The following PKHD1 variants were observed in gnomAD, a reference collection of about 807,000 sequenced individuals.
PKHD1 encodes the protein fibrocystin.
PKHD1 carries 291 observed loss-of-function variants against 412.0 expected under a neutral mutation model. That is an observed-to-expected ratio of 0.71 (90% confidence interval 0.64 to 0.78). PKHD1 has a LOEUF of 0.78. PKHD1 is among the 30% of genes least tolerant of loss of function. PKHD1 has a pLI of 0.00. For synonymous variants in PKHD1, 1,777 were observed against 1,821.5 expected, an observed-to-expected ratio of 0.98 and a Z score of 0.62; for missense variants, 4,825 against 4,950.7, an observed-to-expected ratio of 0.97 and a Z score of 0.76.
intron 20 of PKHD1, 122 bp downstream of exon 20, chr6:52,053,916 C>T: frequency 2.0e-6 from 2 of 995,536 alleles, no homozygotes; most frequent in Non-Finnish European, 1.6e-6. Context: ...ATTCAAATCC[C>T]CAAATTAGTG....
At chr6:51,719,651 A>C (rs547183003) in intron 60 of PKHD1, among the ~76,000 whole-genome samples, 2 of 152,262 alleles carry the variant, frequency 1.3e-5, no homozygotes, top group South Asian at 4.1e-4. Flanking sequence ...TAAGTTGTAA[A>C]TTATCTTACA....
At chr6:52,083,771 C>A (rs1812372585) in intron 2 of PKHD1, among the ~76,000 whole-genome samples, 1 of 151,980 alleles carries the variant, frequency 6.6e-6, no homozygotes, top group Non-Finnish European at 1.5e-5. Context: ...CTTTTAATGG[C>A]AAAACCGCGA....
chr6:51,661,275 A>C (rs1772824331), intron 60 of PKHD1, among the ~76,000 whole-genome samples: 1 of 152,142 alleles, frequency 6.6e-6, no homozygotes, highest in Non-Finnish European at 1.5e-5. Flanking sequence ...AGATATATAG[A>C]TATAGATACA....
chr6:51,759,019 T>C (rs996505113), intron 55 of PKHD1, among the ~76,000 whole-genome samples: 1 of 152,168 alleles, frequency 6.6e-6, no homozygotes, highest in African/African-American at 2.4e-5. Flanking sequence ...CTGTCTCACC[T>C]GCACCTCCAG....
At chr6:51,809,780 A>G (rs9382034) in intron 52 of PKHD1, among the ~76,000 whole-genome samples, 149,897 of 151,694 alleles carry the variant, frequency 0.99, 74,093 homozygotes, top group East Asian at 1. Flanking sequence ...TTTTCTAATT[A>G]GTGATTGCTA....
At chr6:51,754,443 C>G (rs1786626020) in intron 56 of PKHD1, among the ~76,000 whole-genome samples, 2 of 152,126 alleles carry the variant, frequency 1.3e-5, no homozygotes, top group Non-Finnish European at 2.9e-5. Context: ...ACTGGAAACT[C>G]AGTGCCCATA....
At chr6:51,926,868 A>C (rs931685231) in intron 37 of PKHD1, among the ~76,000 whole-genome samples, 1 of 152,190 alleles carries the variant, frequency 6.6e-6, no homozygotes, top group African/African-American at 2.4e-5. Context: ...TATATTTTAG[A>C]GGACATAGAG....
At chr6:51,725,801 T>G (rs1392606332) in intron 60 of PKHD1, among the ~76,000 whole-genome samples, 1 of 152,232 alleles carries the variant, frequency 6.6e-6, no homozygotes, top group Non-Finnish European at 1.5e-5. Context: ...TCTCTGTCAT[T>G]TTAACCCTTG....
chr6:51,899,473 A>T (rs1780822064), intron 43 of PKHD1, among the ~76,000 whole-genome samples: 1 of 152,082 alleles, frequency 6.6e-6, no homozygotes, highest in Admixed American at 6.6e-5. Flanking sequence ...ACAACCCTTC[A>T]TGCTAAAAAC....
intron 5 of PKHD1, among the ~76,000 whole-genome samples, chr6:52,079,055 A>G (rs781549797): frequency 2.0e-5 from 3 of 152,240 alleles, no homozygotes; most frequent in Non-Finnish European, 2.9e-5. Context: ...ACTGCATTGT[A>G]TGTTTTGAAA....
intron 13 of PKHD1, among the ~76,000 whole-genome samples, chr6:52,063,681 C>T (rs1809037128): frequency 1.3e-5 from 2 of 152,256 alleles, no homozygotes; most frequent in South Asian, 4.2e-4. Context: ...AGCAGCCTTC[C>T]CAGCCTCAGC....
intron 33 of PKHD1, among the ~76,000 whole-genome samples, chr6:52,022,150 C>G (rs960495034): frequency 6.6e-6 from 1 of 152,160 alleles, no homozygotes; most frequent in Non-Finnish European, 1.5e-5. Flanking sequence ...AGCTTTGCAA[C>G]TTACTCTCTC....
intron 11 of PKHD1, among the ~76,000 whole-genome samples, chr6:52,068,763 A>AT (rs1379269660): frequency 6.6e-6 from 1 of 152,232 alleles, no homozygotes; most frequent in African/African-American, 2.4e-5. Context: ...AGAAAGGAAA[A>AT]ATCAGGGTCA....
At chr6:51,813,050 GCATT>G (rs1764933990) in intron 52 of PKHD1, among the ~76,000 whole-genome samples, 1 of 152,072 alleles carries the variant, frequency 6.6e-6, no homozygotes, top group African/African-American at 2.4e-5. Flanking sequence ...TACCTGACAT[GCATT>G]CATTGATGTC....
intron 43 of PKHD1, among the ~76,000 whole-genome samples, chr6:51,888,912 G>A (rs1241001879): frequency 1.3e-5 from 2 of 151,090 alleles, no homozygotes; most frequent in Non-Finnish European, 2.9e-5. Context: ...CTATTAGTGG[G>A]AGGAACAAAG....
At chr6:51,645,667 A>T (rs1201537629) in intron 63 of PKHD1, among the ~76,000 whole-genome samples, 1 of 152,234 alleles carries the variant, frequency 6.6e-6, no homozygotes, top group Non-Finnish European at 1.5e-5. Flanking sequence ...GTGCTGGATT[A>T]CAGGCACGAA....
chr6:51,759,984 A>C (rs1787714297), intron 55 of PKHD1, among the ~76,000 whole-genome samples: 1 of 152,116 alleles, frequency 6.6e-6, no homozygotes, highest in Admixed American at 6.6e-5. Context: ...ATTTGGCAAT[A>C]GAACCCAATA....
intron 37 of PKHD1, among the ~76,000 whole-genome samples, chr6:51,927,597 A>C (rs763896930): frequency 2.0e-5 from 3 of 152,136 alleles, no homozygotes; most frequent in East Asian, 3.9e-4. Context: ...TAAGCAAAGA[A>C]AGAGGGCTGC....
intron 15 of PKHD1, among the ~76,000 whole-genome samples, chr6:52,058,904 G>A (rs1458249797): frequency 6.6e-6 from 1 of 152,180 alleles, no homozygotes; most frequent in Non-Finnish European, 1.5e-5. Context: ...ACACTATGGA[G>A]AAGGTAGTAT....
Sources: allele counts gnomAD v4.1 joint callset (sites outside exome capture counted in the v4.1 genomes callset), GRCh38; gene constraint gnomAD v4.1.1; transcripts MANE v1.5; gene names NCBI Gene and HGNC (gene_info 2026-07-23, HGNC 2026-07-21).